The following MPHOSPH10 variants were observed in gnomAD, a reference collection of about 807,000 sequenced individuals.
MPHOSPH10 encodes M-phase phosphoprotein 10.
MPHOSPH10 carries 33 observed loss-of-function variants against 77.3 expected under a neutral mutation model. That is an observed-to-expected ratio of 0.43 (90% CI 0.32 to 0.57). The LOEUF (loss-of-function observed/expected upper bound fraction) is 0.57. MPHOSPH10 is among the 20% of genes least tolerant of loss of function. The probability of loss-of-function intolerance (pLI) is 0.07; values close to 1 mark genes in which losing one functional copy is unlikely to be tolerated. For synonymous variants in MPHOSPH10, 245 were observed against 268.0 expected (o/e 0.91, Z 0.84); for missense variants, 708 against 780.1 (o/e 0.91, Z 1.10).
intron 10 of MPHOSPH10, 93 bp from the exon 11 acceptor site, chr2:71,149,773 G>A (rs1673786278): frequency 1.9e-6 from 2 of 1,063,286 alleles, no homozygotes; most frequent in Admixed American, 2.7e-5. Flanking sequence ...ATTTATGGTT[G>A]CATACATTGT....
At position 71,133,325 on chromosome 2, in the gene MPHOSPH10, C is replaced by G. The variant is rs374336671; in HGVS notation, c.517C>G (p.Leu173Val). Reference protein sequence around the residue: ...SPVFSDEDSDLDFDISKLEQQ... With the variant: ...SPVFSDEDSDVDFDISKLEQQ... ...CGTTTTCAGTGATGAGGATTCTGAC[C>G]TTGACTTTGATATCAGCAAATTGGA... The change falls in exon 2 of 11, where the codon CTT becomes GTT. Residue 173 changes from leucine (L) to valine (V), a missense_variant. Transcript: ENST00000244230. The G allele has an allele frequency of 1.9e-6, 3 of 1,613,962 alleles. No individual in the cohort carries two copies. In the African/African-American group the frequency reaches 4.0e-5, roughly 22 times the overall value.
chr2:71,149,793 G>T, intron 10 of MPHOSPH10, 73 bp from the exon 11 acceptor site: 1 of 1,239,494 alleles, frequency 8.1e-7, no homozygotes, highest in Non-Finnish European at 1.1e-6. Flanking sequence ...TTGTAATGGT[G>T]ATGTACTATT....
intron 1 of MPHOSPH10, among the ~76,000 whole-genome samples, chr2:71,131,132 A>C (rs1673368780): frequency 6.6e-6 from 1 of 151,918 alleles, no homozygotes; most frequent in Admixed American, 6.6e-5. Flanking sequence ...TTGTCTGTCC[A>C]CCCCCCATGA....
chr2:71,134,897 T>A, intron 4 of MPHOSPH10, 100 bp downstream of exon 4: 1 of 967,766 alleles, frequency 1.0e-6, no homozygotes, highest in Non-Finnish European at 1.6e-6. Context: ...CCAGGTGCAG[T>A]GGCTCACGCC....
intron 8 of MPHOSPH10, among the ~76,000 whole-genome samples, chr2:71,147,521 A>C (rs1040641945): frequency 2.0e-5 from 3 of 152,050 alleles, no homozygotes; most frequent in Non-Finnish European, 4.4e-5. Flanking sequence ...AAAATACAAA[A>C]AATTAGCCAG....
intron 6 of MPHOSPH10, among the ~76,000 whole-genome samples, chr2:71,140,207 A>G (rs1673585801): frequency 6.6e-6 from 1 of 152,178 alleles, no homozygotes; most frequent in Non-Finnish European, 1.5e-5. Context: ...TATTCAGTAT[A>G]TATGTCCTAG....
intron 1 of MPHOSPH10, among the ~76,000 whole-genome samples, chr2:71,132,235 C>G (rs913911611): frequency 1.3e-5 from 2 of 152,218 alleles, no homozygotes; most frequent in Non-Finnish European, 2.9e-5. Context: ...TCGTCCCTTT[C>G]TCCTTCCTTC....
intron 4 of MPHOSPH10, among the ~76,000 whole-genome samples, chr2:71,135,499 A>G (rs927001117): frequency 6.6e-6 from 1 of 151,650 alleles, no homozygotes; most frequent in East Asian, 2.0e-4. Flanking sequence ...GTGAGCCGAG[A>G]TGGTGTCACT....
intron 5 of MPHOSPH10, 100 bp from the exon 6 acceptor site, chr2:71,139,695 C>T: frequency 2.6e-6 from 2 of 769,546 alleles, no homozygotes; most frequent in Non-Finnish European, 4.2e-6. Flanking sequence ...GCATTTCTAA[C>T]AAGTTCCCAC....
chr2:71,147,267 C>G (rs1046577211), intron 8 of MPHOSPH10, among the ~76,000 whole-genome samples: 3 of 152,126 alleles, frequency 2.0e-5, no homozygotes, highest in Non-Finnish European at 4.4e-5. Context: ...ATCAGTAAAT[C>G]TTACCAAACA....
intron 7 of MPHOSPH10, among the ~76,000 whole-genome samples, chr2:71,144,028 C>T (rs577849680): frequency 1.3e-5 from 2 of 152,282 alleles, no homozygotes; most frequent in African/African-American, 2.4e-5. Flanking sequence ...CCACTGTGGC[C>T]GCATCATTTT....
At chr2:71,145,548 G>A (rs1295104354) in intron 8 of MPHOSPH10, among the ~76,000 whole-genome samples, 1 of 148,556 alleles carries the variant, frequency 6.7e-6, no homozygotes, top group African/African-American at 2.5e-5. Flanking sequence ...TAATCCAGTT[G>A]TAATTACATG....
At chr2:71,143,406 C>T (rs1355316693) in intron 7 of MPHOSPH10, among the ~76,000 whole-genome samples, 1 of 152,136 alleles carries the variant, frequency 6.6e-6, no homozygotes, top group Non-Finnish European at 1.5e-5. Flanking sequence ...GCTGGGATTA[C>T]AAGCATGAGC....
chr2:71,132,515 T>C (rs1336274999), intron 1 of MPHOSPH10, among the ~76,000 whole-genome samples: 2 of 152,242 alleles, frequency 1.3e-5, no homozygotes, highest in Non-Finnish European at 2.9e-5. Context: ...TCCTCTCAGA[T>C]GTGACATCTA....
At position 71,134,671 on chromosome 2, in the gene MPHOSPH10, T is replaced by TA. The variant is rs1369227478; in HGVS notation, c.975dup (p.Glu326ArgfsTer13). 1 of 1,611,280 alleles carries TA rather than the reference T, an allele frequency of 6.2e-7. No homozygotes were observed. The highest frequency in any genetic ancestry group is 2.2e-5 in the East Asian group (1 of 44,792). ...AAGAAAATGAAGACAATAAACAACATAAAGAAAGCTTGAAAAGAGTGACCT... is the reference window on the plus strand; with the variant it reads ...AAGAAAATGAAGACAATAAACAACATAAAAGAAAGCTTGAAAAGAGTGACCT... On this transcript the variant is annotated frameshift_variant, in exon 4 of 11. Transcript: ENST00000244230. LOFTEE classifies it high-confidence loss of function.
intron 1 of MPHOSPH10, among the ~76,000 whole-genome samples, chr2:71,131,518 G>C (rs1673379348): frequency 6.6e-6 from 1 of 152,198 alleles, no homozygotes; most frequent in Non-Finnish European, 1.5e-5. Context: ...GCGCGTCTGT[G>C]TGAAGAGACC....
chr2:71,135,702 C>CTTTTTTTTTTTTTT (rs781167523), intron 4 of MPHOSPH10, among the ~76,000 whole-genome samples: 2 of 130,670 alleles, frequency 1.5e-5, no homozygotes, highest in East Asian at 2.4e-4. Context: ...TTTTCTTTTT[C>CTTTTTTTTTTTTTT]TTTTTTTTTT....
At position 71,139,802 on chromosome 2, in the gene MPHOSPH10, G is replaced by A; in HGVS notation, c.1248G>A (p.Val416=). 1 of 1,607,970 alleles carries A rather than the reference G, an allele frequency of 6.2e-7. No homozygotes were observed. The highest frequency in any genetic ancestry group is 8.5e-7 in the Non-Finnish European group (1 of 1,176,020). The change falls in exon 6 of 11, where the codon GTG becomes GTA. Residue 416 remains valine, a synonymous_variant. Coordinates refer to ENST00000244230, the MANE Select transcript of MPHOSPH10 (RefSeq NM_005791.3). The stretch of plus-strand genomic sequence containing the variant: ...ACGTTGTATATCCTTTAGCACCTGT[G>A]ATTACAGAGGAAACCACCCTTCAAC... ...HFDHAVRMAP[V]ITEETTLQLE...
chr2:71,130,962 C>T (rs1321941466), intron 1 of MPHOSPH10: 1 of 563,974 alleles, frequency 1.8e-6, no homozygotes, highest in Non-Finnish European at 3.1e-6. Flanking sequence ...TTGAGTGTTA[C>T]TGAAATCACT....
Sources: gnomAD v4.1 joint callset for allele counts (sites outside exome capture counted in the v4.1 genomes callset) on GRCh38, gnomAD v4.1.1 for gene constraint, MANE v1.5 for transcripts, NCBI Gene and HGNC (gene_info 2026-07-23, HGNC 2026-07-21) for gene names.